The following FAAP100 variants were observed in gnomAD, a reference collection of about 807,000 sequenced individuals.
The protein encoded by FAAP100 is Fanconi anemia core complex-associated protein 100.
A neutral mutation model predicts 65.8 loss-of-function variants in FAAP100; 46 were observed. That is an observed-to-expected ratio of 0.70 (90% CI 0.55 to 0.89). The LOEUF is 0.89. Among genes scored for constraint, FAAP100 ranks in the 40% least tolerant of loss-of-function variants. The probability of loss-of-function intolerance (pLI) is 0.00; values close to 1 mark genes in which losing one functional copy is unlikely to be tolerated. For synonymous variants in FAAP100, 663 were observed against 555.1 expected, an observed-to-expected ratio of 1.19 and a Z score of -2.73; for missense variants, 1,165 against 1,196.7, an observed-to-expected ratio of 0.97 and a Z score of 0.39.
intron 6 of FAAP100, among the ~76,000 whole-genome samples, chr17:81,544,971 C>G (rs1477310849): frequency 1.3e-5 from 2 of 152,184 alleles, no homozygotes; most frequent in Non-Finnish European, 1.5e-5. Context: ...GAGCTCAAGA[C>G]CAGCCTGGCC....
intron 2 of FAAP100, chr17:81,551,595 G>A (rs1021630295): frequency 3.1e-6 from 3 of 965,030 alleles, no homozygotes; most frequent in Admixed American, 3.9e-5. Context: ...TCGGGGTCAC[G>A]GTGCCTTTGC....
rs750961661 is a variant in FAAP100, at chr17:81,550,971, G to A, written c.523C>T (p.Leu175=). 3 of 1,612,096 alleles carry A rather than the reference G, an allele frequency of 1.9e-6. No homozygotes were observed. The South Asian group carries it at 3.3e-5, about 18-fold the overall frequency. The change falls in exon 3 of 9, where the codon CTG becomes TTG. Residue 175 remains leucine (L), a synonymous_variant. Transcript: ENST00000327787. Reference sequence around the variant, plus strand: ...CCGGCTGGGGGCGTGTAGGAGGACAGCTCCACCTCACCGATCTGGCCTCCT... The same window carrying A: ...CCGGCTGGGGGCGTGTAGGAGGACAACTCCACCTCACCGATCTGGCCTCCT... The part of the protein sequence containing the change: ...RPGGQIGEVE[L]SSYTPPAGVP...
intron 5 of FAAP100, 33 bp from the exon 6 acceptor site, chr17:81,545,915 T>TGATCCTACCAGGTGGGCTCAGCC: frequency 2.5e-6 from 4 of 1,588,822 alleles, no homozygotes; most frequent in East Asian, 2.2e-5. Flanking sequence ...GAGCTCAGCC[T>TGATCCTACCAGGTGGGCTCAGCC]GATCCTACCA....
At chr17:81,548,009 G>A (rs1429201015) in intron 4 of FAAP100, 3 of 699,496 alleles carry the variant, frequency 4.3e-6, no homozygotes, top group Admixed American at 2.0e-5. Context: ...TCTGGGCCAC[G>A]CAGGGGCCGG....
At position 81,547,743 on chromosome 17, in the gene FAAP100, G is replaced by A. The variant is rs140000376; in HGVS notation, c.1404-65C>T. The stretch of plus-strand genomic sequence containing the variant: ...CCCACAGCACCAGGTGCCACATCTT[G>A]ACTCAGGCCTGGTAGGCACCGAGCC... On this transcript the variant is annotated intron_variant, in intron 4 of 8. Coordinates refer to ENST00000327787, the MANE Select transcript of FAAP100 (RefSeq NM_025161.6). The A allele has an allele frequency of 2.5e-4, 386 of 1,562,374 alleles. 1 individual carries two copies. In the African/African-American group the frequency reaches 4.7e-3, roughly 19 times the overall value.
chr17:81,552,436 G>A (rs2033532971), upstream of FAAP100: 2 of 1,089,590 alleles, frequency 1.8e-6, no homozygotes, highest in Non-Finnish European at 2.3e-6. Flanking sequence ...CCGCCGTAAA[G>A]CGGTCGGCGG....
Position 81,540,797 on chromosome 17 carries a change from G to A in FAAP100, c.*22C>T, listed in dbSNP as rs1205056048. ...GACAGAGGCTGGAAGCGTGGCCAGAGCCCAGGGGCAGGCCCGCCTGGTCAC... is the reference window on the plus strand; with the variant it reads ...GACAGAGGCTGGAAGCGTGGCCAGAACCCAGGGGCAGGCCCGCCTGGTCAC... On this transcript the variant is annotated 3_prime_UTR_variant, in exon 9 of 9. Coordinates refer to ENST00000327787, the MANE Select transcript of FAAP100 (RefSeq NM_025161.6). 2.7e-6 allele frequency: 4 copies of A among 1,499,656 alleles called. No individual in the cohort carries two copies. The African/African-American group carries it at 4.2e-5, about 16-fold the overall frequency. The allele number at this position is 1,499,656 out of a possible 1,614,324, so 92.9% of individuals were successfully genotyped here. A position where few individuals can be genotyped will look rare whatever the true frequency, so the allele number is the denominator to read the frequency against.
chr17:81,542,234 TG>T (rs2033143581), intron 7 of FAAP100, among the ~76,000 whole-genome samples: 1 of 93,960 alleles, frequency 1.1e-5, no homozygotes, highest in Admixed American at 1.2e-4. Context: ...TATATATATA[TG>T]AAATCAGCCA....
chr17:81,541,241 G>A (rs2143926933), intron 8 of FAAP100, 68 bp downstream of exon 8: 1 of 1,483,520 alleles, frequency 6.7e-7, no homozygotes, highest in Non-Finnish European at 9.3e-7. Flanking sequence ...GTGACTAGAG[G>A]GGGGCCTGGC....
intron 5 of FAAP100, chr17:81,546,676 G>A (rs189160471): frequency 2.3e-4 from 95 of 406,590 alleles, no homozygotes; most frequent in African/African-American, 1.7e-3. Flanking sequence ...AGCTGGGAGA[G>A]GGAGGAACAG....
At chr17:81,549,027 G>A (rs2033402745) in intron 4 of FAAP100, among the ~76,000 whole-genome samples, 179 bp downstream of exon 4, 1 of 138,990 alleles carries the variant, frequency 7.2e-6, no homozygotes. Flanking sequence ...GTGACAGCGT[G>A]AGACTCCGTC....
rs576067254 is a variant in FAAP100, at chr17:81,549,905, A to G, written c.1246+343T>C. On this transcript the variant is annotated intron_variant, in intron 3 of 8. Transcript: ENST00000327787. The stretch of plus-strand genomic sequence containing the variant: ...TTTGGAAGAAAGGCAAGTCCGGAAC[A>G]GACCTCCCTGGGCTGCTTGCCACAT... Among the ~76,000 whole-genome samples, 10 of 152,372 alleles carry G rather than the reference A, an allele frequency of 6.6e-5. No individual in the cohort carries two copies. The South Asian group carries it at 2.1e-3, about 32-fold the overall frequency.
chr17:81,552,144 GC>G, intron 1 of FAAP100, 21 bp downstream of exon 1: 3 of 1,486,116 alleles, frequency 2.0e-6, no homozygotes, highest in Non-Finnish European at 2.7e-6. Context: ...GGTCCCTCCC[GC>G]CCCCGCGGGC....
chr17:81,542,797 G>C (rs1487099498), intron 7 of FAAP100, among the ~76,000 whole-genome samples: 1 of 152,362 alleles, frequency 6.6e-6, no homozygotes, highest in Non-Finnish European at 1.5e-5. Context: ...CTGTGTCCTT[G>C]TAAGAAAAGG....
chr17:81,544,728 G>A (rs1196543667), intron 6 of FAAP100, among the ~76,000 whole-genome samples: 1 of 152,238 alleles, frequency 6.6e-6, no homozygotes, highest in African/African-American at 2.4e-5. Flanking sequence ...GGGGCCTGGG[G>A]AGCCCAGAGA....
chr17:81,546,603 G>A lies in FAAP100; in HGVS notation c.2173+306C>T, dbSNP rs1279338973. On this transcript the variant is annotated intron_variant, in intron 5 of 8. Transcript: ENST00000327787. Reference sequence around the variant, plus strand: ...GCCAGAGCCCAACAGCAGAGAGAACGCAGGCGAAGCTCATTTCCTGAGCAG... The same window carrying A: ...GCCAGAGCCCAACAGCAGAGAGAACACAGGCGAAGCTCATTTCCTGAGCAG... 1.8e-5 allele frequency: 6 copies of A among 331,490 alleles called. No homozygotes were observed. In the South Asian group the frequency reaches 4.6e-4, roughly 25 times the overall value. The allele number at this position is 331,490 out of a possible 1,614,324, so 20.5% of individuals were successfully genotyped here. A position where few individuals can be genotyped will look rare whatever the true frequency, so the allele number is the denominator to read the frequency against.
chr17:81,544,508 T>TC (rs1396870747), intron 6 of FAAP100, among the ~76,000 whole-genome samples: 1 of 151,860 alleles, frequency 6.6e-6, no homozygotes, highest in Non-Finnish European at 1.5e-5. Flanking sequence ...CCCAGATCCG[T>TC]CCCCCCACAC....
Position 81,545,730 on chromosome 17 carries a change from C to T in FAAP100, c.2310+16G>A. ...ACTGCTGGTGCCGTGGCTCGTTTCC[C>T]TGAACCCCTGCTTGCCTCTCGGACG... On this transcript the variant is annotated intron_variant, in intron 6 of 8. Transcript: ENST00000327787. 1 of 1,606,004 alleles carries T rather than the reference C, an allele frequency of 6.2e-7. No homozygotes were observed.
chr17:81,552,998 C>G, upstream of FAAP100: 1 of 153,410 alleles, frequency 6.5e-6, no homozygotes, highest in East Asian at 1.9e-4. Context: ...AAGAAAATGA[C>G]TGTGAGCCAG....
Sources: allele counts gnomAD v4.1 joint callset (sites outside exome capture counted in the v4.1 genomes callset), GRCh38; gene constraint gnomAD v4.1.1; transcripts MANE v1.5; gene names NCBI Gene and HGNC (gene_info 2026-07-23, HGNC 2026-07-21).